Variants in MEI1 observed in about 807,000 individuals in gnomAD.
MEI1 encodes meiotic double-stranded break formation protein 1, also known as meiosis inhibitor protein 1.
Under a neutral mutation model 146.2 loss-of-function variants are expected in MEI1, and 103 were observed. The observed-to-expected ratio is 0.70, with a 90% CI of 0.60 to 0.83. The LOEUF (loss-of-function observed/expected upper bound fraction) is 0.83. Ranked by LOEUF, MEI1 falls within the 40% of genes least tolerant of loss-of-function variation. The probability of loss-of-function intolerance (pLI) is 0.00; values close to 1 mark genes in which losing one functional copy is unlikely to be tolerated. For missense variants in MEI1, 1,529 were observed against 1,533.0 expected, an observed-to-expected ratio of 1.00 and a Z score of 0.04; for synonymous variants, 652 against 628.2, an observed-to-expected ratio of 1.04 and a Z score of -0.57.
At chr22:41,789,180 C>T (rs963215436) in intron 26 of MEI1, among the ~76,000 whole-genome samples, 1 of 152,030 alleles carries the variant, frequency 6.6e-6, no homozygotes, top group Non-Finnish European at 1.5e-5. Context: ...GGCGTGGTGG[C>T]GCGCACCTGT....
rs778028017 is a variant in MEI1, at chr22:41,781,678, C to A, written c.2927-7C>A. ...CCTGTGGGCCCTGCCTTGCCCACCC[C>A]CGACAGCTGCTGCAGTGCTCCTGAG... is the stretch of plus-strand genomic sequence containing the variant. On this transcript the variant is annotated splice_polypyrimidine_tract_variant and splice_region_variant and intron_variant, in intron 23 of 30. Coordinates refer to ENST00000401548, the MANE Select transcript of MEI1 (RefSeq NM_152513.4). The A allele has an allele frequency of 6.2e-7, 1 of 1,612,024 alleles. No individual in the cohort carries two copies. Among genetic ancestry groups the A allele is most frequent in the Admixed American group, 1.7e-5 (1 of 59,974 alleles).
chr22:41,737,493 C>T (rs1020110028), intron 11 of MEI1, among the ~76,000 whole-genome samples: 1 of 151,950 alleles, frequency 6.6e-6, no homozygotes, highest in African/African-American at 2.4e-5. Flanking sequence ...CCTGCCTCGG[C>T]CTTCCAAAGT....
intron 19 of MEI1, among the ~76,000 whole-genome samples, chr22:41,767,095 C>T (rs1410421447): frequency 6.6e-6 from 1 of 152,144 alleles, no homozygotes; most frequent in Non-Finnish European, 1.5e-5. Context: ...GGTAGTGCTG[C>T]AAGGGGCACC....
intron 18 of MEI1, among the ~76,000 whole-genome samples, chr22:41,758,809 G>T (rs2074267660): frequency 6.6e-6 from 1 of 152,266 alleles, no homozygotes; most frequent in South Asian, 2.1e-4. Context: ...ACTTCAGTAG[G>T]TTACTTTGGT....
chr22:41,777,254 C>T (rs2075493076), intron 21 of MEI1, among the ~76,000 whole-genome samples: 1 of 150,644 alleles, frequency 6.6e-6, no homozygotes, highest in Non-Finnish European at 1.5e-5. Context: ...GTCCTGGGTT[C>T]AAGTGATTCT....
intron 13 of MEI1, 49 bp downstream of exon 13, chr22:41,745,113 G>T: frequency 7.5e-7 from 1 of 1,327,912 alleles, no homozygotes; most frequent in South Asian, 1.5e-5. Flanking sequence ...GGTAGGGGTG[G>T]AAGGGATTCA....
Position 41,778,809 on chromosome 22 carries a change from C to G in MEI1, c.2812C>G (p.Gln938Glu). The G allele has an allele frequency of 6.2e-7, 1 of 1,600,114 alleles. No homozygotes were observed. Among genetic ancestry groups the G allele is most frequent in the South Asian group, 1.1e-5 (1 of 88,406 alleles). The change falls in exon 22 of 31, where the codon CAA becomes GAA. Residue 938 changes from glutamine to glutamate, a missense_variant. By Grantham distance (29) the Gln-to-Glu change is conservative. Transcript: ENST00000401548. ...CAGCGTGGCCATGAAGCTCCTTCACCAAGGTGCCCTGGCTGCTTGGGATAG... is the reference window on the plus strand; with the variant it reads ...CAGCGTGGCCATGAAGCTCCTTCACGAAGGTGCCCTGGCTGCTTGGGATAG... ...LDSVAMKLLH[Q>E]VSKLCGKCSP...
At chr22:41,702,697 G>C (rs576157977) in intron 1 of MEI1, among the ~76,000 whole-genome samples, 1 of 151,670 alleles carries the variant, frequency 6.6e-6, no homozygotes, top group Middle Eastern at 3.5e-3. Flanking sequence ...TGCCTGCTTC[G>C]GCCTCCCAAA....
intron 3 of MEI1, among the ~76,000 whole-genome samples, chr22:41,710,928 A>G (rs1427403697): frequency 1.3e-5 from 2 of 152,204 alleles, no homozygotes; most frequent in African/African-American, 2.4e-5. Flanking sequence ...AGCCCAGCGC[A>G]TAGCCTCCAG....
chr22:41,733,325 C>G (rs1291509331), intron 11 of MEI1, among the ~76,000 whole-genome samples: 1 of 151,930 alleles, frequency 6.6e-6, no homozygotes, highest in Non-Finnish European at 1.5e-5. Flanking sequence ...TGGTGCACAC[C>G]TATAGTTCCG....
At chr22:41,735,678 T>C (rs1375472676) in intron 11 of MEI1, among the ~76,000 whole-genome samples, 1 of 152,240 alleles carries the variant, frequency 6.6e-6, no homozygotes, top group Non-Finnish European at 1.5e-5. Flanking sequence ...CTCTGTTGTT[T>C]TGAATTTATA....
In MEI1 at chr22:41,705,525, A is replaced by C; in HGVS notation, c.320A>C (p.Asp107Ala). 6.2e-7 allele frequency: 1 copy of C among 1,613,632 alleles called. No individual in the cohort carries two copies. Among genetic ancestry groups the C allele is most frequent in the Non-Finnish European group, 8.5e-7 (1 of 1,179,688 alleles). ...CAAGGACTATTATGCAGCATGGAAG[A>C]TGGGAGTGTGACAGACCTCTGTATT... is the stretch of plus-strand genomic sequence containing the variant. The part of the protein sequence containing the change: ...VLFGLLCSME[D>A]GSVTDLCIEV... The change falls in exon 3 of 31, where the codon GAT (aspartate) becomes GCT (alanine). Residue 107 changes from aspartate (D) to alanine (A), a missense_variant. Asp to Ala is a moderately radical substitution (Grantham distance 126). This residue lies in a region of MEI1 where 1,212 missense variants were observed against 1,178.9 expected (regional missense o/e 1.03). Transcript: ENST00000401548.
At chr22:41,744,306 G>T (rs1405445885) in intron 12 of MEI1, among the ~76,000 whole-genome samples, 1 of 152,018 alleles carries the variant, frequency 6.6e-6, no homozygotes, top group African/African-American at 2.4e-5. Context: ...TAGTAGCTGG[G>T]ACTACAGGTG....
chr22:41,712,447 G>T (rs926875252), intron 3 of MEI1, among the ~76,000 whole-genome samples: 113 of 151,626 alleles, frequency 7.5e-4, no homozygotes, highest in African/African-American at 2.7e-3. Flanking sequence ...GTGTTAGCCA[G>T]GATGGTCTTG....
chr22:41,790,105 C>T (rs2076123847), intron 26 of MEI1, among the ~76,000 whole-genome samples: 1 of 152,112 alleles, frequency 6.6e-6, no homozygotes, highest in Non-Finnish European at 1.5e-5. Context: ...TTTTTTGAGA[C>T]AGACTCTCAT....
chr22:41,721,316 C>G (rs2070775782), intron 6 of MEI1, among the ~76,000 whole-genome samples: 1 of 144,886 alleles, frequency 6.9e-6, no homozygotes, highest in Non-Finnish European at 1.5e-5. Context: ...ACAATCTCGG[C>G]TCGCTGCAAC....
intron 11 of MEI1, among the ~76,000 whole-genome samples, chr22:41,734,430 T>C (rs2072148325): frequency 6.6e-6 from 1 of 151,868 alleles, no homozygotes; most frequent in Non-Finnish European, 1.5e-5. Context: ...CTGTCTCTAC[T>C]AAAAATACAA....
chr22:41,767,004 G>T (rs2074899210), intron 19 of MEI1, among the ~76,000 whole-genome samples: 1 of 152,186 alleles, frequency 6.6e-6, no homozygotes, highest in Non-Finnish European at 1.5e-5. Context: ...TGGGCAGCTG[G>T]TTGGGCTAAA....
At chr22:41,728,262 G>A (rs189156445) in intron 7 of MEI1, among the ~76,000 whole-genome samples, 4 of 152,316 alleles carry the variant, frequency 2.6e-5, no homozygotes, top group Admixed American at 2.6e-4. Context: ...TCTCAGTTCC[G>A]TTAGGAACCC....
Sources: gnomAD v4.1 joint callset for allele counts (sites outside exome capture counted in the v4.1 genomes callset) on GRCh38, gnomAD v4.1.1 for gene constraint, gnomAD v4.1.1 regional missense constraint, MANE v1.5 for transcripts, NCBI Gene and HGNC (gene_info 2026-07-23, HGNC 2026-07-21) for gene names.